FBXL7: variants seen among roughly 807,000 people sequenced by gnomAD.
FBXL7 encodes the protein F-box and leucine rich repeat protein 7.
In FBXL7, 12 loss-of-function variants were observed where a neutral mutation model predicts 38.3. The observed-to-expected ratio is 0.31, with a 90% CI of 0.20 to 0.51. The LOEUF (loss-of-function observed/expected upper bound fraction) is 0.51, where lower values mean the gene tolerates loss of function less well. FBXL7 is among the 20% of genes least tolerant of loss of function. FBXL7 has a pLI of 0.98. For missense variants in FBXL7, 567 were observed against 676.4 expected, an observed-to-expected ratio of 0.84 and a Z score of 1.79; for synonymous variants, 297 against 300.9, an observed-to-expected ratio of 0.99 and a Z score of 0.13.
At chr5:15,894,066 CG>C in intron 2 of FBXL7, among the ~76,000 whole-genome samples, 1 of 152,178 alleles carries the variant, frequency 6.6e-6, no homozygotes, top group East Asian at 1.9e-4. Context: ...GGCGGGCGGT[CG>C]GGAGTTCAAG....
chr5:15,560,397 AACCAGTTC>A (rs2126436238), intron 1 of FBXL7, among the ~76,000 whole-genome samples: 1 of 152,240 alleles, frequency 6.6e-6, no homozygotes, highest in Non-Finnish European at 1.5e-5. Flanking sequence ...GATGCTTGGA[AACCAGTTC>A]CCTCAACCAC....
At chr5:15,645,712 A>C (rs558467999) in intron 2 of FBXL7, among the ~76,000 whole-genome samples, 26 of 152,314 alleles carry the variant, frequency 1.7e-4, no homozygotes, top group African/African-American at 6.3e-4. Flanking sequence ...AAGCTATTTC[A>C]TGATTTCTCA....
At chr5:15,606,567 G>T (rs1740032711) in intron 1 of FBXL7, among the ~76,000 whole-genome samples, 1 of 152,234 alleles carries the variant, frequency 6.6e-6, no homozygotes, top group South Asian at 2.1e-4. Flanking sequence ...AGGACATTCA[G>T]TGTAAAGAAA....
At chr5:15,650,889 G>C (rs1029687364) in intron 2 of FBXL7, among the ~76,000 whole-genome samples, 3 of 151,996 alleles carry the variant, frequency 2.0e-5, no homozygotes, top group Non-Finnish European at 4.4e-5. Flanking sequence ...TCTAATAAAT[G>C]CTAGAACCCC....
At chr5:15,602,285 G>A (rs1739822382) in intron 1 of FBXL7, 1 of 152,022 alleles carries the variant, frequency 6.6e-6, no homozygotes, top group African/African-American at 2.4e-5. Context: ...TCTGTAGGTA[G>A]TTCGGAGGTT....
At chr5:15,692,632 G>A (rs759092934) in intron 2 of FBXL7, among the ~76,000 whole-genome samples, 2 of 152,136 alleles carry the variant, frequency 1.3e-5, no homozygotes, top group African/African-American at 2.4e-5. Context: ...CTTCATCCAG[G>A]CCTGATCCGA....
Position 15,936,872 on chromosome 5 carries a change from G to C in FBXL7, c.1162G>C (p.Gly388Arg), listed in dbSNP as rs771503233. 6.2e-7 allele frequency: 1 copy of C among 1,613,990 alleles called. No individual in the cohort carries two copies. Among genetic ancestry groups the C allele is most frequent in the African/African-American group, 1.3e-5 (1 of 75,074 alleles). Residue 388 changes from glycine to arginine, a missense_variant, in exon 4 of 4, where the codon GGC becomes CGC. Coordinates refer to ENST00000504595, the MANE Select transcript of FBXL7 (RefSeq NM_012304.5). The surrounding 1 kb of genome is among the most constrained non-coding windows in gnomAD (Gnocchi z 6.0). ...CTACCTCAACGCGAGGGGCTGCGAG[G>C]GCATCACGGACCACGGTGTGGAGTA... ...LRYLNARGCE[G>R]ITDHGVEYLA...
chr5:15,827,923 C>T (rs1738358524), intron 2 of FBXL7, among the ~76,000 whole-genome samples: 1 of 152,222 alleles, frequency 6.6e-6, no homozygotes, highest in Non-Finnish European at 1.5e-5. Context: ...TACAACAACA[C>T]TCCATGCCAA....
At chr5:15,837,210 A>G (rs1738618482) in intron 2 of FBXL7, among the ~76,000 whole-genome samples, 1 of 152,240 alleles carries the variant, frequency 6.6e-6, no homozygotes, top group African/African-American at 2.4e-5. Context: ...ATAGTCTCTC[A>G]TGAAGTTGGA....
rs372921527 is a variant in FBXL7 at position 15,802,670 on chromosome 5, T to A, written c.128-125220T>A. On this transcript the variant is annotated intron_variant, in intron 2 of 3. Transcript: ENST00000504595. Reference sequence around the variant, plus strand: ...ACCACATCATCCTTTTTTTTTTTTTTAAAGACAGAGTCTCATGCTGTTGTC... The same window carrying A: ...ACCACATCATCCTTTTTTTTTTTTTAAAAGACAGAGTCTCATGCTGTTGTC... Among the ~76,000 whole-genome samples the A allele has an allele frequency of 1.2e-3, 180 of 150,416 alleles. 3 individuals are homozygous for A. The highest frequency in any genetic ancestry group is 6.9e-3 in the Middle Eastern group (2 of 288).
At chr5:15,570,744 C>T (rs533803276) in intron 1 of FBXL7, among the ~76,000 whole-genome samples, 3 of 152,276 alleles carry the variant, frequency 2.0e-5, no homozygotes, top group African/African-American at 7.2e-5. Flanking sequence ...AGACCAGTTG[C>T]CCCTCAGCTG....
At chr5:15,702,907 A>G (rs1743572710) in intron 2 of FBXL7, among the ~76,000 whole-genome samples, 1 of 151,956 alleles carries the variant, frequency 6.6e-6, no homozygotes, top group Admixed American at 6.6e-5. Flanking sequence ...ATTACAGTCA[A>G]AGGGGGGTTG....
intron 3 of FBXL7, among the ~76,000 whole-genome samples, chr5:15,931,767 G>T (rs541318245): frequency 6.6e-6 from 1 of 152,074 alleles, no homozygotes; most frequent in Non-Finnish European, 1.5e-5. Flanking sequence ...CTGTGCATAC[G>T]ATGATGTGTG....
At chr5:15,598,775 C>G (rs570006597) in intron 1 of FBXL7, among the ~76,000 whole-genome samples, 2 of 152,138 alleles carry the variant, frequency 1.3e-5, no homozygotes, top group Non-Finnish European at 2.9e-5. Context: ...CTCACTCCCC[C>G]TCCTTGTCTT....
chr5:15,825,225 G>A (rs1017271876), intron 2 of FBXL7, among the ~76,000 whole-genome samples: 8 of 151,920 alleles, frequency 5.3e-5, no homozygotes, highest in Admixed American at 3.3e-4. Context: ...TTGCTAATAC[G>A]GCTTCTGACA....
At chr5:15,926,419 CTAA>C (rs958219033) in intron 2 of FBXL7, among the ~76,000 whole-genome samples, 6 of 147,134 alleles carry the variant, frequency 4.1e-5, no homozygotes, top group African/African-American at 1.2e-4. Context: ...TATATTGGAT[CTAA>C]TAATACATAT....
Position 15,928,399 on chromosome 5 carries a change from G to A in FBXL7, c.637G>A (p.Glu213Lys), listed in dbSNP as rs777107384. The A allele has an allele frequency of 6.2e-7, 1 of 1,614,024 alleles. No homozygotes were observed. The highest frequency in any genetic ancestry group is 8.5e-7 in the Non-Finnish European group (1 of 1,179,896). ...GTACACCATCGCCCAGTGCTGCCCCGAACTGAGGCGACTGGAAGTCTCAGG... is the reference window on the plus strand; with the variant it reads ...GTACACCATCGCCCAGTGCTGCCCCAAACTGAGGCGACTGGAAGTCTCAGG... Reference protein sequence around the residue: ...GLYTIAQCCPELRRLEVSGCY... With the variant: ...GLYTIAQCCPKLRRLEVSGCY... The change falls in exon 3 of 4, where the codon GAA becomes AAA. Residue 213 changes from glutamate to lysine, a missense_variant. Coordinates refer to ENST00000504595, the MANE Select transcript of FBXL7 (RefSeq NM_012304.5). This position sits in a 1 kb window ranked among gnomAD's most constrained non-coding sequence, Gnocchi z 4.0.
intron 2 of FBXL7, among the ~76,000 whole-genome samples, chr5:15,764,865 T>G (rs1736545337): frequency 6.6e-6 from 1 of 152,232 alleles, no homozygotes; most frequent in African/African-American, 2.4e-5. Flanking sequence ...AAGCTTTTCC[T>G]CTAAAGGGCC....
At chr5:15,595,868 C>T (rs894270100) in intron 1 of FBXL7, among the ~76,000 whole-genome samples, 3 of 152,152 alleles carry the variant, frequency 2.0e-5, no homozygotes, top group Admixed American at 6.5e-5. Context: ...AGCTCTGGGA[C>T]AGTTATACAG....
Sources: gnomAD v4.1 joint callset for allele counts (sites outside exome capture counted in the v4.1 genomes callset) on GRCh38, gnomAD v4.1.1 for gene constraint, Gnocchi (gnomAD v3.1) non-coding constraint, MANE v1.5 for transcripts, NCBI Gene and HGNC (gene_info 2026-07-23, HGNC 2026-07-21) for gene names.